Variants in SPARCL1 observed in about 807,000 individuals in gnomAD.
The protein encoded by SPARCL1 is SPARC-like protein 1.
Under a neutral mutation model 67.1 loss-of-function variants are expected in SPARCL1, and 52 were observed. The observed-to-expected ratio is 0.78, with a 90% confidence interval of 0.62 to 0.98. The LOEUF (loss-of-function observed/expected upper bound fraction) is 0.98. Among genes scored for constraint, SPARCL1 ranks in the 50% least tolerant of loss-of-function variants. SPARCL1 has a pLI of 0.00. For synonymous variants in SPARCL1, 226 were observed against 267.8 expected (o/e 0.84, Z 1.52); for missense variants, 717 against 782.4 (o/e 0.92, Z 1.00).
rs142111201 is a variant in SPARCL1, at chr4:87,483,618, T to G, written c.1532-1058A>C. Among the ~76,000 whole-genome samples, 984 of 152,266 alleles carry G rather than the reference T, an allele frequency of 6.5e-3. 11 individuals carry two copies. The highest frequency in any genetic ancestry group is 0.022 in the African/African-American group (920 of 41,552). The stretch of plus-strand genomic sequence containing the variant: ...TATATACCCAGTAATGGGATTGCTG[T>G]ATCAAATGGTATTTGTAGTTCTAGA... On this transcript the variant is annotated intron_variant, in intron 7 of 10. Coordinates refer to ENST00000282470, the MANE Select transcript of SPARCL1 (RefSeq NM_004684.6).
chr4:87,524,072 A>C (rs11947741), intron 1 of SPARCL1, among the ~76,000 whole-genome samples: 1 of 152,232 alleles, frequency 6.6e-6, no homozygotes, highest in African/African-American at 2.4e-5. Flanking sequence ...GTAAGATAAA[A>C]ATGCTAACTT....
intron 10 of SPARCL1, 78 bp downstream of exon 10, chr4:87,479,352 C>G: frequency 7.0e-7 from 1 of 1,438,004 alleles, no homozygotes; most frequent in South Asian, 1.4e-5. Context: ...GTGGCAGGAC[C>G]TCTCTATGAA....
intron 2 of SPARCL1, among the ~76,000 whole-genome samples, chr4:87,496,010 G>A (rs1269176343): frequency 2.0e-5 from 3 of 152,092 alleles, no homozygotes; most frequent in African/African-American, 4.8e-5. Context: ...CATGTCTGGA[G>A]TATTAATTTC....
intron 2 of SPARCL1, among the ~76,000 whole-genome samples, chr4:87,499,299 A>G (rs1235345658): frequency 6.6e-6 from 1 of 152,124 alleles, no homozygotes; most frequent in African/African-American, 2.4e-5. Flanking sequence ...TTTCTGCTGC[A>G]TATTTATTGT....
intron 6 of SPARCL1, 62 bp from the exon 7 acceptor site, chr4:87,490,455 C>G: frequency 6.5e-7 from 1 of 1,540,728 alleles, no homozygotes; most frequent in Non-Finnish European, 8.7e-7. Flanking sequence ...AGACACTCTG[C>G]TCCTTAAAGC....
intron 7 of SPARCL1, 76 bp downstream of exon 7, chr4:87,490,197 T>C: frequency 7.0e-7 from 1 of 1,433,474 alleles, no homozygotes; most frequent in Non-Finnish European, 9.3e-7. Flanking sequence ...TGTTTGCATA[T>C]AGATAATTCA....
chr4:87,475,880 G>A (rs1309104362), intron 10 of SPARCL1, among the ~76,000 whole-genome samples: 1 of 152,066 alleles, frequency 6.6e-6, no homozygotes, highest in Non-Finnish European at 1.5e-5. Context: ...CCCATACTGG[G>A]TATATTTATA....
chr4:87,478,669 C>T (rs1362716502), intron 10 of SPARCL1, among the ~76,000 whole-genome samples: 1 of 152,120 alleles, frequency 6.6e-6, no homozygotes, highest in Non-Finnish European at 1.5e-5. Flanking sequence ...AACTCCTGAC[C>T]TCACGTGATC....
intron 8 of SPARCL1, 39 bp downstream of exon 8, chr4:87,482,385 T>C: frequency 2.5e-6 from 4 of 1,605,680 alleles, no homozygotes; most frequent in Non-Finnish European, 3.4e-6. Flanking sequence ...TCATGCCCTG[T>C]AGACAGACAT....
intron 10 of SPARCL1, among the ~76,000 whole-genome samples, chr4:87,476,642 A>G (rs1448335915): frequency 6.6e-6 from 1 of 152,200 alleles, no homozygotes. Flanking sequence ...GACGATTAGC[A>G]TGGGTATGTG....
At chr4:87,491,948 C>T (rs879301953) in intron 4 of SPARCL1, among the ~76,000 whole-genome samples, 5 of 109,534 alleles carry the variant, frequency 4.6e-5, no homozygotes, top group Non-Finnish European at 8.0e-5. Context: ...CTACCCACCC[C>T]CCCCCCCAAA....
At chr4:87,517,613 T>C (rs1256015527) in intron 1 of SPARCL1, among the ~76,000 whole-genome samples, 1 of 152,228 alleles carries the variant, frequency 6.6e-6, no homozygotes, top group Non-Finnish European at 1.5e-5. Context: ...GTTCTTGGCT[T>C]TATCCTCTGA....
intron 2 of SPARCL1, among the ~76,000 whole-genome samples, chr4:87,497,456 G>T (rs1724667338): frequency 1.3e-5 from 2 of 152,086 alleles, no homozygotes. Flanking sequence ...CACAAAAAAT[G>T]GCAGCTCTTT....
At chr4:87,527,949 C>T (rs567990544) in intron 1 of SPARCL1, among the ~76,000 whole-genome samples, 9 of 151,102 alleles carry the variant, frequency 6.0e-5, no homozygotes, top group African/African-American at 1.7e-4. Context: ...CTGGTGTCTA[C>T]GAGAAAGGGG....
chr4:87,491,398 T>G (rs903999595), intron 5 of SPARCL1, among the ~76,000 whole-genome samples: 1 of 152,178 alleles, frequency 6.6e-6, no homozygotes, highest in Non-Finnish European at 1.5e-5. Context: ...TTCACTAATA[T>G]CTCAACAGGG....
intron 10 of SPARCL1, among the ~76,000 whole-genome samples, chr4:87,476,915 A>G (rs1723606285): frequency 6.6e-6 from 1 of 152,214 alleles, no homozygotes; most frequent in East Asian, 1.9e-4. Flanking sequence ...ACTTACAAAT[A>G]AATTTGTTTT....
chr4:87,512,025 C>T (rs565886919), intron 1 of SPARCL1, among the ~76,000 whole-genome samples: 3 of 137,324 alleles, frequency 2.2e-5, no homozygotes, highest in African/African-American at 5.6e-5. Context: ...AGTGCAGTGG[C>T]GTGATCTAGG....
At chr4:87,511,961 C>CTTT (rs1725377349) in intron 1 of SPARCL1, among the ~76,000 whole-genome samples, 2 of 109,170 alleles carry the variant, frequency 1.8e-5, no homozygotes, top group Admixed American at 1.8e-4. Context: ...TTTCCTCTTT[C>CTTT]TTTCTCTTTT....
At position 87,494,356 on chromosome 4, in the gene SPARCL1, G is replaced by T; in HGVS notation, c.444C>A (p.Phe148Leu). Residue 148 changes from phenylalanine (F) to leucine (L), a missense_variant, in exon 4 of 11, where the codon TTC becomes TTA. Phe to Leu is a conservative substitution (Grantham distance 22, BLOSUM62 0). Transcript: ENST00000282470. ...TDFLAPGVSS[F>L]TDSNQQESIT... ...TACTTTCTTGTTGGTTAGAATCTGT[G>T]AAGGAACTAACACCAGGAGCCAAAA... The T allele has an allele frequency of 6.2e-7, 1 of 1,614,180 alleles. No individual in the cohort carries two copies. The highest frequency in any genetic ancestry group is 1.3e-5 in the African/African-American group (1 of 75,036).
Sources: allele counts gnomAD v4.1 joint callset (sites outside exome capture counted in the v4.1 genomes callset), GRCh38; gene constraint gnomAD v4.1.1; transcripts MANE v1.5; gene names NCBI Gene and HGNC (gene_info 2026-07-23, HGNC 2026-07-21).